LARP1B: variants seen among roughly 807,000 people sequenced by gnomAD.
The protein encoded by LARP1B is La ribonucleoprotein 1B.
LARP1B carries 76 observed loss-of-function variants against 114.2 expected under a neutral mutation model. The ratio of observed to expected loss-of-function variants is 0.67; its 90% CI spans 0.55 to 0.81. The LOEUF is 0.81. Ranked by LOEUF, LARP1B falls within the 30% of genes least tolerant of loss-of-function variation. LARP1B has a pLI of 0.00. For synonymous variants in LARP1B, 345 were observed against 348.0 expected, an observed-to-expected ratio of 0.99 and a Z score of 0.10; for missense variants, 1,014 against 1,075.8, an observed-to-expected ratio of 0.94 and a Z score of 0.80.
intron 7 of LARP1B, among the ~76,000 whole-genome samples, chr4:128,220,606 A>G (rs1759942755): frequency 6.6e-6 from 1 of 152,240 alleles, no homozygotes; most frequent in African/African-American, 2.4e-5. Context: ...TTATTTGGTT[A>G]TTAGTAAATA....
intron 8 of LARP1B, among the ~76,000 whole-genome samples, chr4:128,106,026 T>C (rs1236805767): frequency 6.6e-6 from 1 of 151,740 alleles, no homozygotes; most frequent in Non-Finnish European, 1.5e-5. Context: ...GAATGGATAA[T>C]GTTCTTTTTT....
chr4:128,186,975 G>A (rs1431737534), intron 15 of LARP1B, among the ~76,000 whole-genome samples: 1 of 152,214 alleles, frequency 6.6e-6, no homozygotes, highest in Non-Finnish European at 1.5e-5. Context: ...TGCAGGTGGT[G>A]CACAGAATGC....
intron 7 of LARP1B, chr4:128,092,657 A>G (rs1377857018): frequency 7.7e-6 from 3 of 388,472 alleles, no homozygotes; most frequent in Non-Finnish European, 1.1e-5. Flanking sequence ...CTACTCTGTT[A>G]CTAGAAAATT....
chr4:128,129,038 G>A (rs1444417299), intron 11 of LARP1B, among the ~76,000 whole-genome samples: 8 of 151,710 alleles, frequency 5.3e-5, no homozygotes, highest in African/African-American at 1.7e-4. Flanking sequence ...GATGGTGGGC[G>A]CCTGTAGTCC....
intron 5 of LARP1B, among the ~76,000 whole-genome samples, chr4:128,086,687 A>G (rs572109452): frequency 4.6e-5 from 7 of 152,182 alleles, no homozygotes; most frequent in African/African-American, 1.7e-4. Flanking sequence ...AGCTAGGTTG[A>G]TTAGATTCAG....
intron 8 of LARP1B, among the ~76,000 whole-genome samples, chr4:128,104,742 G>A (rs1325737280): frequency 6.6e-6 from 1 of 152,094 alleles, no homozygotes; most frequent in Admixed American, 6.6e-5. Context: ...CACCGTGCCC[G>A]GCAACAGTTA....
chr4:128,112,801 C>T (rs541198406), intron 9 of LARP1B, among the ~76,000 whole-genome samples: 1 of 152,136 alleles, frequency 6.6e-6, no homozygotes, highest in South Asian at 2.1e-4. Context: ...CAGCACAGTT[C>T]TAGAGCTTTT....
chr4:128,112,535 G>A (rs1580559958), intron 9 of LARP1B, among the ~76,000 whole-genome samples: 1 of 139,612 alleles, frequency 7.2e-6, no homozygotes, highest in African/African-American at 2.7e-5. Flanking sequence ...GTGCAATGGC[G>A]TGATCTCAGC....
intron 17 of LARP1B, 76 bp downstream of exon 17, chr4:128,200,741 G>A (rs1755680715): frequency 3.9e-6 from 4 of 1,035,002 alleles, no homozygotes; most frequent in South Asian, 1.8e-5. Flanking sequence ...AGGTAGATCC[G>A]ATAGAGGGAG....
intron 1 of LARP1B, among the ~76,000 whole-genome samples, chr4:128,065,345 CTTT>C (rs1561013726): frequency 4.5e-5 from 5 of 111,178 alleles, no homozygotes; most frequent in African/African-American, 1.8e-4. Flanking sequence ...CCTTTCTTTT[CTTT>C]TCTTTTCTTT....
chr4:128,208,798 AT>A (rs1758283646), intron 19 of LARP1B, among the ~76,000 whole-genome samples: 1 of 152,196 alleles, frequency 6.6e-6, no homozygotes, highest in Non-Finnish European at 1.5e-5. Flanking sequence ...AGATGTTTAA[AT>A]TTGGTGCCAT....
intron 11 of LARP1B, 137 bp from the exon 12 acceptor site, chr4:128,162,055 CTT>C (rs1223908438): frequency 3.0e-6 from 2 of 666,414 alleles, no homozygotes; most frequent in Non-Finnish European, 5.1e-6. Context: ...ATGCTAGACT[CTT>C]TATTAGAACG....
chr4:128,063,006 A>G (rs1273270247), intron 1 of LARP1B, among the ~76,000 whole-genome samples: 1 of 152,202 alleles, frequency 6.6e-6, no homozygotes, highest in Non-Finnish European at 1.5e-5. Context: ...CGTTAGGTAA[A>G]TGGTTTTCTA....
At chr4:128,129,916 A>G in intron 11 of LARP1B, among the ~76,000 whole-genome samples, 1 of 152,246 alleles carries the variant, frequency 6.6e-6, no homozygotes, top group East Asian at 1.9e-4. Context: ...ACGTCCTAGA[A>G]GATGATCTAA....
At chr4:128,105,486 C>T (rs993284202) in intron 8 of LARP1B, among the ~76,000 whole-genome samples, 2 of 152,184 alleles carry the variant, frequency 1.3e-5, no homozygotes, top group African/African-American at 4.8e-5. Flanking sequence ...ACTGATTTTA[C>T]TCATCTAAAG....
intron 3 of LARP1B, 146 bp downstream of exon 3, chr4:128,075,139 G>C (rs896327939): frequency 1.6e-6 from 1 of 623,744 alleles, no homozygotes; most frequent in African/African-American, 1.9e-5. Flanking sequence ...GTCTTGCTCT[G>C]TCTCCAGGCT....
intron 11 of LARP1B, among the ~76,000 whole-genome samples, chr4:128,154,593 G>C (rs566539767): frequency 6.6e-6 from 1 of 152,120 alleles, no homozygotes; most frequent in African/African-American, 2.4e-5. Flanking sequence ...TTTTCACATT[G>C]TTTACTTGCC....
intron 11 of LARP1B, among the ~76,000 whole-genome samples, chr4:128,149,330 T>A (rs1194440478): frequency 6.6e-6 from 1 of 152,174 alleles, no homozygotes; most frequent in East Asian, 1.9e-4. Flanking sequence ...TTGCAGTTTT[T>A]ATAAAGAAAG....
chr4:128,119,232 T>C lies in LARP1B; in HGVS notation c.1162-2594T>C, dbSNP rs547662177. On this transcript the variant is annotated intron_variant, in intron 10 of 19. Transcript: ENST00000326639. The stretch of plus-strand genomic sequence containing the variant: ...AAAACGTCCTATGGACTTGGACACC[T>C]AGGCAGAGAATAGGGATGCTGGCTC... Among the ~76,000 whole-genome samples the C allele has an allele frequency of 5.3e-5, 8 of 152,328 alleles. No homozygotes were observed. The East Asian group carries it at 1.5e-3, about 29-fold the overall frequency.
Sources: allele counts gnomAD v4.1 joint callset (sites outside exome capture counted in the v4.1 genomes callset), GRCh38; gene constraint gnomAD v4.1.1; transcripts MANE v1.5; gene names NCBI Gene and HGNC (gene_info 2026-07-23, HGNC 2026-07-21).